The following TANC2 variants were observed in gnomAD, a reference collection of about 807,000 sequenced individuals.
TANC2 encodes the protein tetratricopeptide repeat, ankyrin repeat and coiled-coil containing 2.
A neutral mutation model predicts 210.5 loss-of-function variants in TANC2; 26 were observed. The observed-to-expected ratio is 0.12, with a 90% CI of 0.09 to 0.17. The LOEUF is 0.17. Ranked by LOEUF, TANC2 falls within the 10% of genes least tolerant of loss-of-function variation. The pLI is 1.00. For missense variants in TANC2, 2,129 were observed against 2,608.9 expected (o/e 0.82, Z 4.01); for synonymous variants, 931 against 967.1 (o/e 0.96, Z 0.69).
intron 1 of TANC2, among the ~76,000 whole-genome samples, chr17:62,977,485 A>G (rs1488079030): frequency 6.6e-6 from 1 of 152,190 alleles, no homozygotes; most frequent in Non-Finnish European, 1.5e-5. Flanking sequence ...AACTTCATAT[A>G]ATGAGTCTTC....
intron 4 of TANC2, among the ~76,000 whole-genome samples, chr17:63,123,568 AAAAG>A (rs2038573839): frequency 6.6e-6 from 1 of 151,936 alleles, no homozygotes; most frequent in African/African-American, 2.4e-5. Flanking sequence ...CAAAAAAAAA[AAAAG>A]AAAAAGGGGA....
chr17:63,312,513 A>G (rs1271148785), intron 9 of TANC2, among the ~76,000 whole-genome samples: 1 of 152,196 alleles, frequency 6.6e-6, no homozygotes, highest in African/African-American at 2.4e-5. Flanking sequence ...TGGGAGCTAA[A>G]CAATGAGTAC....
intron 19 of TANC2, among the ~76,000 whole-genome samples, chr17:63,401,616 CT>C (rs2048346712): frequency 6.6e-6 from 1 of 152,212 alleles, no homozygotes; most frequent in South Asian, 2.1e-4. Flanking sequence ...GCCTCTTTAT[CT>C]TTCCAGATGT....
intron 3 of TANC2, among the ~76,000 whole-genome samples, chr17:63,075,446 C>G (rs971689377): frequency 6.6e-6 from 1 of 152,148 alleles, no homozygotes; most frequent in African/African-American, 2.4e-5. Flanking sequence ...GGAATTGTAT[C>G]ATTGTTAGAG....
intron 3 of TANC2, among the ~76,000 whole-genome samples, chr17:63,088,000 A>G (rs1474308714): frequency 6.6e-6 from 1 of 152,224 alleles, no homozygotes. Flanking sequence ...CCAGATGGGA[A>G]ACTAGAATTA....
intron 9 of TANC2, among the ~76,000 whole-genome samples, chr17:63,280,420 A>G (rs2044025731): frequency 6.6e-6 from 1 of 152,100 alleles, no homozygotes; most frequent in Admixed American, 6.6e-5. Flanking sequence ...TATATAGAAT[A>G]GACTGTAGGC....
At chr17:63,104,644 A>G (rs567654003) in intron 4 of TANC2, among the ~76,000 whole-genome samples, 1 of 152,328 alleles carries the variant, frequency 6.6e-6, no homozygotes, top group South Asian at 2.1e-4. Context: ...ATAGGAACCC[A>G]TGTGTGTTTT....
Position 63,151,253 on chromosome 17 carries a change from T to A in TANC2, c.323-17T>A. 1.0e-6 allele frequency: 1 copy of A among 974,918 alleles called. No homozygotes were observed. The highest frequency in any genetic ancestry group is 1.2e-6 in the Non-Finnish European group (1 of 820,080). The allele number at this position is 974,918 out of a possible 1,614,324, so 60.4% of individuals were successfully genotyped here. On this transcript the variant is annotated splice_polypyrimidine_tract_variant and intron_variant, in intron 4 of 27. Transcript: ENST00000689528. ...CTCTCTGTCTCTTGCTTGCTCTCTC[T>A]CTCTTTTTGTTCTTAGCCCCTCTGA...
At chr17:63,222,249 A>T (rs2042213103) in intron 7 of TANC2, among the ~76,000 whole-genome samples, 1 of 152,156 alleles carries the variant, frequency 6.6e-6, no homozygotes, top group Admixed American at 6.6e-5. Context: ...TCCTAATACC[A>T]TCACCTTGGG....
At position 63,070,444 on chromosome 17, in the gene TANC2, A is replaced by G. The variant is rs143658662; in HGVS notation, c.68-3499A>G. Among the ~76,000 whole-genome samples the G allele has an allele frequency of 3.2e-3, 482 of 152,242 alleles. 4 individuals carry two copies. Among genetic ancestry groups the G allele is most frequent in the African/African-American group, 0.011 (437 of 41,560 alleles). On this transcript the variant is annotated intron_variant, in intron 2 of 27. Coordinates refer to ENST00000689528, the Ensembl canonical transcript of TANC2. ...AGCCCATGCAGCCATTAAACTTTCA[A>G]TGGCCCCTAGGCCGGACATCATTTG...
At chr17:63,031,076 A>G (rs2034748955) in intron 2 of TANC2, among the ~76,000 whole-genome samples, 1 of 150,108 alleles carries the variant, frequency 6.7e-6, no homozygotes, top group Admixed American at 6.7e-5. Flanking sequence ...GCCCCAAACT[A>G]TAGGATTTTA....
Position 62,991,662 on chromosome 17 carries a change from C to A in TANC2, c.-23-17875C>A, listed in dbSNP as rs1423371316. On this transcript the variant is annotated intron_variant, in intron 1 of 27. Transcript: ENST00000689528. Reference sequence around the variant, plus strand: ...CTCAAAAAAAAAAAAAACAAAAAAACAAACAAAAAAAGCTAAGTAGATAAT... The same window carrying A: ...CTCAAAAAAAAAAAAAACAAAAAAAAAAACAAAAAAAGCTAAGTAGATAAT... Among the ~76,000 whole-genome samples the A allele has an allele frequency of 6.0e-4, 89 of 147,996 alleles. 1 individual carries two copies. Among genetic ancestry groups the A allele is most frequent in the Middle Eastern group, 3.5e-3 (1 of 288 alleles).
At chr17:63,345,655 G>C (rs1277968016) in intron 12 of TANC2, among the ~76,000 whole-genome samples, 1 of 146,208 alleles carries the variant, frequency 6.8e-6, no homozygotes, top group Non-Finnish European at 1.5e-5. Flanking sequence ...AATCCCAGCA[G>C]AATTTTTCTG....
At chr17:63,369,850 G>A (rs966555678) in intron 14 of TANC2, among the ~76,000 whole-genome samples, 1 of 151,898 alleles carries the variant, frequency 6.6e-6, no homozygotes, top group African/African-American at 2.4e-5. Flanking sequence ...TGATCTGCTC[G>A]CCTCAGCCTC....
intron 8 of TANC2, among the ~76,000 whole-genome samples, chr17:63,255,095 ATTTATTTATTTTT>A (rs1299971558): frequency 1.4e-5 from 2 of 137,952 alleles, no homozygotes; most frequent in Admixed American, 7.2e-5. Context: ...TTATTTATTT[ATTTATTTATTTTT>A]ATTTATTTAT....
chr17:63,189,173 C>T lies in TANC2; in HGVS notation c.434-4818C>T, dbSNP rs2041102525. Among the ~76,000 whole-genome samples, 4 of 151,954 alleles carry T rather than the reference C, an allele frequency of 2.6e-5. No homozygotes were observed. In the South Asian group the frequency reaches 8.3e-4, roughly 31 times the overall value. On this transcript the variant is annotated intron_variant, in intron 5 of 27. Coordinates refer to ENST00000689528, the Ensembl canonical transcript of TANC2. Reference sequence around the variant, plus strand: ...ATATATGACATTTTATTTATCCATTCACCATTTGAGGGACAGTGGGGTTCT... The same window carrying T: ...ATATATGACATTTTATTTATCCATTTACCATTTGAGGGACAGTGGGGTTCT...
intron 8 of TANC2, among the ~76,000 whole-genome samples, chr17:63,241,872 G>C (rs1276901382): frequency 6.6e-6 from 1 of 152,144 alleles, no homozygotes; most frequent in South Asian, 2.1e-4. Context: ...ACTGATACAA[G>C]ATAGCAAAGA....
intron 14 of TANC2, among the ~76,000 whole-genome samples, chr17:63,359,244 G>GA (rs774094401): frequency 6.6e-6 from 1 of 151,886 alleles, no homozygotes; most frequent in Non-Finnish European, 1.5e-5. Context: ...TGTTTGTAGA[G>GA]AAAGAGTCTT....
At chr17:63,348,545 G>T (rs768284674) in intron 12 of TANC2, among the ~76,000 whole-genome samples, 1 of 152,008 alleles carries the variant, frequency 6.6e-6, no homozygotes, top group Non-Finnish European at 1.5e-5. Flanking sequence ...AATTTGTATG[G>T]ATGTAGATAT....
Sources: gnomAD v4.1 joint callset for allele counts (sites outside exome capture counted in the v4.1 genomes callset) on GRCh38, gnomAD v4.1.1 for gene constraint, MANE v1.5 for transcripts, NCBI Gene and HGNC (gene_info 2026-07-23, HGNC 2026-07-21) for gene names.